Variants in ASPH observed in about 807,000 individuals in gnomAD.
ASPH encodes the protein aspartate beta-hydroxylase, also known as aspartyl/asparaginyl beta-hydroxylase.
ASPH carries 100 observed loss-of-function variants against 118.4 expected under a neutral mutation model. The observed-to-expected ratio is 0.84, with a 90% CI of 0.72 to 1.00. The LOEUF (loss-of-function observed/expected upper bound fraction) is 1.00, where lower values mean the gene tolerates loss of function less well. Among genes scored for constraint, ASPH ranks in the 50% least tolerant of loss-of-function variants. The pLI is 0.00. For missense variants in ASPH, 920 were observed against 919.5 expected, an observed-to-expected ratio of 1.00 and a Z score of -0.01; for synonymous variants, 315 against 325.6, an observed-to-expected ratio of 0.97 and a Z score of 0.35.
At chr8:61,714,152 G>T in intron 1 of ASPH, 117 bp downstream of exon 1, 3 of 1,263,202 alleles carry the variant, frequency 2.4e-6, no homozygotes, top group Non-Finnish European at 3.0e-6. Flanking sequence ...GAGCGTCGCG[G>T]GGGATGGAGG....
chr8:61,549,082 A>T (rs1411905308), intron 20 of ASPH, among the ~76,000 whole-genome samples: 1 of 152,196 alleles, frequency 6.6e-6, no homozygotes, highest in Non-Finnish European at 1.5e-5. Context: ...CACTACTGCA[A>T]ACCTGATCTA....
At chr8:61,633,323 C>T (rs1026998449) in intron 13 of ASPH, 5 of 172,090 alleles carry the variant, frequency 2.9e-5, no homozygotes, top group African/African-American at 1.2e-4. Flanking sequence ...AATTTATACA[C>T]TATTCAACTT....
chr8:61,676,127 T>A, intron 3 of ASPH: 1 of 1,599,474 alleles, frequency 6.3e-7, no homozygotes, highest in Non-Finnish European at 8.5e-7. Context: ...AACCCCTTCA[T>A]TCTGTGACGT....
chr8:61,612,639 T>C (rs1847809921), intron 14 of ASPH, among the ~76,000 whole-genome samples: 1 of 152,104 alleles, frequency 6.6e-6, no homozygotes, highest in Admixed American at 6.6e-5. Context: ...CCCAAATTGC[T>C]GGAATAACAG....
intron 1 of ASPH, among the ~76,000 whole-genome samples, chr8:61,708,618 T>C (rs1297254268): frequency 6.6e-6 from 1 of 152,186 alleles, no homozygotes; most frequent in Non-Finnish European, 1.5e-5. Flanking sequence ...TATGGAATGG[T>C]AGAAATGGCT....
chr8:61,664,539 T>C lies in ASPH; in HGVS notation c.323-10879A>G, dbSNP rs143197053. 8.0e-5 allele frequency: 79 copies of C among 985,172 alleles called. No individual in the cohort carries two copies. In the African/African-American group the frequency reaches 1.1e-3, roughly 14 times the overall value. 61.0% of individuals were successfully genotyped at this position (985,172 alleles called of 1,614,324 possible). On this transcript the variant is annotated intron_variant, in intron 3 of 24. Transcript: ENST00000379454. Reference sequence around the variant, plus strand: ...TAAGCACTAAGTATGTACTGGATGATGGGAGAAGGGTGAGGTTGTTGTAGG... The same window carrying C: ...TAAGCACTAAGTATGTACTGGATGACGGGAGAAGGGTGAGGTTGTTGTAGG...
chr8:61,579,129 A>C, intron 15 of ASPH: 1 of 1,611,594 alleles, frequency 6.2e-7, no homozygotes, highest in Non-Finnish European at 8.5e-7. Flanking sequence ...GTGGCGCACA[A>C]AGACTGAGAT....
intron 14 of ASPH, among the ~76,000 whole-genome samples, chr8:61,584,784 T>C (rs544856179): frequency 3.3e-5 from 5 of 152,130 alleles, no homozygotes; most frequent in Admixed American, 3.3e-4. Flanking sequence ...GCTGGGGTTA[T>C]AGGCATGAGC....
At chr8:61,563,433 C>T (rs1417551652) in intron 17 of ASPH, among the ~76,000 whole-genome samples, 1 of 152,076 alleles carries the variant, frequency 6.6e-6, no homozygotes, top group Non-Finnish European at 1.5e-5. Flanking sequence ...ATTATGGGGC[C>T]CTCTCGTGGA....
intron 18 of ASPH, among the ~76,000 whole-genome samples, chr8:61,561,765 G>T (rs933870671): frequency 4.0e-5 from 6 of 148,824 alleles, no homozygotes; most frequent in South Asian, 4.2e-4. Context: ...CATCACTAAA[G>T]AATTTTTTAA....
chr8:61,582,424 A>T (rs184271937), intron 15 of ASPH, among the ~76,000 whole-genome samples: 10 of 152,382 alleles, frequency 6.6e-5, no homozygotes, highest in Admixed American at 5.2e-4. Context: ...AGGAGGTGGC[A>T]GAAAAAGATT....
At chr8:61,515,520 T>G (rs1403553832) in intron 24 of ASPH, among the ~76,000 whole-genome samples, 1 of 152,216 alleles carries the variant, frequency 6.6e-6, no homozygotes, top group African/African-American at 2.4e-5. Flanking sequence ...TCTGTCATCC[T>G]TCGATTGTCT....
chr8:61,663,087 A>G (rs1057449128), intron 3 of ASPH: 41 of 985,328 alleles, frequency 4.2e-5, no homozygotes, highest in Non-Finnish European at 4.9e-5. Context: ...TTAAAAAAAC[A>G]TTCCATTTAT....
intron 17 of ASPH, among the ~76,000 whole-genome samples, chr8:61,564,303 T>C (rs1830913183): frequency 6.6e-6 from 1 of 150,836 alleles, no homozygotes; most frequent in Non-Finnish European, 1.5e-5. Context: ...GATTCTTTTT[T>C]TTTTTTTTTT....
chr8:61,527,852 T>C (rs1816037093), intron 21 of ASPH, among the ~76,000 whole-genome samples: 1 of 152,196 alleles, frequency 6.6e-6, no homozygotes, highest in Admixed American at 6.5e-5. Context: ...TGCTAGGTGG[T>C]CTTGTTGGTG....
At chr8:61,632,955 T>C (rs1345289406) in intron 13 of ASPH, among the ~76,000 whole-genome samples, 1 of 152,012 alleles carries the variant, frequency 6.6e-6, no homozygotes, top group Admixed American at 6.6e-5. Context: ...TGAGAAGAAA[T>C]ACACTTGGGA....
At chr8:61,675,483 A>T in intron 3 of ASPH, 1 of 983,110 alleles carries the variant, frequency 1.0e-6, no homozygotes, top group Non-Finnish European at 1.2e-6. Flanking sequence ...AGTTATTTTT[A>T]AATTATTTTA....
chr8:61,653,349 A>T (rs965448291), intron 4 of ASPH, among the ~76,000 whole-genome samples: 1 of 152,228 alleles, frequency 6.6e-6, no homozygotes, highest in Non-Finnish European at 1.5e-5. Flanking sequence ...TTTTGGACAA[A>T]GAACAACTGT....
chr8:61,673,969 A>G (rs1469228191), intron 3 of ASPH, among the ~76,000 whole-genome samples: 1 of 152,174 alleles, frequency 6.6e-6, no homozygotes, highest in Non-Finnish European at 1.5e-5. Flanking sequence ...TTTTTATCCC[A>G]CATTCTTGTT....
Sources: allele counts gnomAD v4.1 joint callset (sites outside exome capture counted in the v4.1 genomes callset), GRCh38; gene constraint gnomAD v4.1.1; transcripts MANE v1.5; gene names NCBI Gene and HGNC (gene_info 2026-07-23, HGNC 2026-07-21).